Variants in DTWD2 observed in about 807,000 individuals in gnomAD.
DTWD2 encodes the protein tRNA-uridine aminocarboxypropyltransferase 2.
In DTWD2, 39 loss-of-function variants were observed where a neutral mutation model predicts 31.8. The ratio of observed to expected loss-of-function variants is 1.22; its 90% CI spans 0.95 to 1.60. The LOEUF (loss-of-function observed/expected upper bound fraction) is 1.60, where lower values mean the gene tolerates loss of function less well. Ranked by LOEUF, DTWD2 falls within the 40% of genes most tolerant of loss-of-function variation. DTWD2 has a pLI of 0.00. For synonymous variants in DTWD2, 180 were observed against 142.8 expected, an observed-to-expected ratio of 1.26 and a Z score of -1.86; for missense variants, 515 against 381.5, an observed-to-expected ratio of 1.35 and a Z score of -2.92.
intron 3 of DTWD2, among the ~76,000 whole-genome samples, chr5:118,930,384 T>C (rs907664806): frequency 6.6e-6 from 1 of 152,160 alleles, no homozygotes; most frequent in African/African-American, 2.4e-5. Context: ...TTCTTTGAAA[T>C]ATAATTTGGA....
intron 4 of DTWD2, among the ~76,000 whole-genome samples, chr5:118,916,951 AT>A (rs1268703122): frequency 1.3e-5 from 2 of 152,166 alleles, no homozygotes; most frequent in Non-Finnish European, 2.9e-5. Context: ...ACTAATTACA[AT>A]TATACTCATC....
intron 1 of DTWD2, among the ~76,000 whole-genome samples, chr5:118,987,895 G>T (rs530452727): frequency 2.6e-5 from 4 of 152,134 alleles, no homozygotes; most frequent in African/African-American, 9.7e-5. Context: ...ATAGGTAAAG[G>T]AGACTGTCTC....
chr5:118,956,797 G>C (rs566485591), intron 1 of DTWD2, among the ~76,000 whole-genome samples: 2 of 152,124 alleles, frequency 1.3e-5, no homozygotes, highest in East Asian at 1.9e-4. Context: ...TCCTAACATA[G>C]CGAAAAAGCA....
chr5:118,985,340 T>G (rs912263343), intron 1 of DTWD2, among the ~76,000 whole-genome samples: 3 of 151,802 alleles, frequency 2.0e-5, no homozygotes, highest in African/African-American at 7.3e-5. Flanking sequence ...TTCCAAGATT[T>G]CCCAGATCTT....
At chr5:118,979,364 G>C (rs1253834668) in intron 1 of DTWD2, among the ~76,000 whole-genome samples, 1 of 152,072 alleles carries the variant, frequency 6.6e-6, no homozygotes, top group African/African-American at 2.4e-5. Flanking sequence ...AACAGATGCT[G>C]GTGAGGTTGT....
In DTWD2 at chr5:118,864,080, T is replaced by A. The variant is rs6878699; in HGVS notation, c.598-15862A>T. Among the ~76,000 whole-genome samples, 5 of 68,468 alleles carry A rather than the reference T, an allele frequency of 7.3e-5. 1 individual carries two copies. The highest frequency in any genetic ancestry group is 6.8e-4 in the East Asian group (3 of 4,380). The allele number at this position is 68,468 out of a possible 152,430, so 44.9% of individuals were successfully genotyped here. A position where few individuals can be genotyped will look rare whatever the true frequency, so the allele number is the denominator to read the frequency against. On this transcript the variant is annotated intron_variant, in intron 4 of 5. Transcript: ENST00000510708. ...ACCCTGATGTTCTGCAAAACCCACA[T>A]GTATGTTTATTGCGGCACTATTCAC...
chr5:118,859,023 A>G (rs1177243940), intron 4 of DTWD2, among the ~76,000 whole-genome samples: 1 of 152,154 alleles, frequency 6.6e-6, no homozygotes, highest in Non-Finnish European at 1.5e-5. Context: ...TAGTGGTGCT[A>G]AAATTCATCA....
At chr5:118,857,263 G>A (rs1752159678) in intron 4 of DTWD2, among the ~76,000 whole-genome samples, 1 of 152,064 alleles carries the variant, frequency 6.6e-6, no homozygotes, top group African/African-American at 2.4e-5. Flanking sequence ...AGCTTTTGTG[G>A]TTTTTTAAAT....
chr5:118,868,634 T>A (rs1192396116), intron 4 of DTWD2, among the ~76,000 whole-genome samples: 2 of 152,032 alleles, frequency 1.3e-5, no homozygotes, highest in Non-Finnish European at 2.9e-5. Flanking sequence ...ATCCAGGAGT[T>A]TGAGACCAGC....
chr5:118,865,920 C>A (rs1752370585), intron 4 of DTWD2, among the ~76,000 whole-genome samples: 1 of 152,062 alleles, frequency 6.6e-6, no homozygotes, highest in Admixed American at 6.6e-5. Context: ...ATCATCAAAG[C>A]TTGCTCCAGA....
intron 1 of DTWD2, among the ~76,000 whole-genome samples, chr5:118,970,941 G>A (rs573096117): frequency 6.6e-6 from 1 of 152,278 alleles, no homozygotes; most frequent in Admixed American, 6.5e-5. Context: ...AATGCTGAGG[G>A]ACTTCGTCAC....
intron 4 of DTWD2, among the ~76,000 whole-genome samples, chr5:118,871,404 T>C (rs915072800): frequency 2.6e-5 from 4 of 152,216 alleles, no homozygotes; most frequent in Admixed American, 6.5e-5. Context: ...GAACTTACTT[T>C]TTCCAGATCC....
intron 1 of DTWD2, among the ~76,000 whole-genome samples, chr5:118,987,093 T>G (rs1056522801): frequency 2.0e-5 from 3 of 152,196 alleles, no homozygotes. Context: ...ACTAGCACAG[T>G]AATTTAGCCT....
chr5:118,917,424 A>G (rs551553915), intron 4 of DTWD2, among the ~76,000 whole-genome samples: 1 of 152,346 alleles, frequency 6.6e-6, no homozygotes, highest in South Asian at 2.1e-4. Context: ...ATTTATCAAA[A>G]TAAGTGCACC....
At position 118,982,655 on chromosome 5, in the gene DTWD2, T is replaced by A. The variant is rs145971040; in HGVS notation, c.218+5639A>T. ...CCCTAAAAGTTATCAATAATCTAGC[T>A]GATTTTAAATTTACCAAAATAGTTT... On this transcript the variant is annotated intron_variant, in intron 1 of 5. Transcript: ENST00000510708. 6.2e-3 allele frequency among the ~76,000 whole-genome samples: 939 copies of A among 151,848 alleles called. 10 individuals are homozygous for A. The highest frequency in any genetic ancestry group is 0.022 in the African/African-American group (904 of 41,436).
chr5:118,957,334 G>A (rs531949311), intron 1 of DTWD2, among the ~76,000 whole-genome samples: 1 of 151,908 alleles, frequency 6.6e-6, no homozygotes, highest in Non-Finnish European at 1.5e-5. Context: ...CAATTCTCCT[G>A]CCTCAGCCTC....
chr5:118,950,205 T>C (rs1580431448), intron 1 of DTWD2, among the ~76,000 whole-genome samples: 2 of 99,954 alleles, frequency 2.0e-5, no homozygotes. Flanking sequence ...AGAGTGAGAC[T>C]CCATCTCCAA....
intron 4 of DTWD2, among the ~76,000 whole-genome samples, chr5:118,852,014 G>A (rs73236933): frequency 0.067 from 10,246 of 151,962 alleles, 1,118 homozygotes; most frequent in African/African-American, 0.23. Context: ...CCAGAGTGGC[G>A]GTTTATAGAC....
At chr5:118,879,167 A>G (rs761067565) in intron 4 of DTWD2, among the ~76,000 whole-genome samples, 16 of 152,216 alleles carry the variant, frequency 1.1e-4, no homozygotes, top group Non-Finnish European at 1.5e-5. Context: ...AAATCATTCT[A>G]TTATAAAGAT....
Sources: allele counts gnomAD v4.1 joint callset (sites outside exome capture counted in the v4.1 genomes callset), GRCh38; gene constraint gnomAD v4.1.1; transcripts MANE v1.5; gene names NCBI Gene and HGNC (gene_info 2026-07-23, HGNC 2026-07-21).